MSH6: variants seen among roughly 807,000 people sequenced by gnomAD.
MSH6 encodes the protein mutS homolog 6.
MSH6 carries 85 observed loss-of-function variants against 119.1 expected under a neutral mutation model. That is an observed-to-expected ratio of 0.71 (90% CI 0.60 to 0.85). MSH6 has a LOEUF of 0.85. Ranked by LOEUF, MSH6 falls within the 40% of genes least tolerant of loss-of-function variation. The pLI is 0.00. For synonymous variants in MSH6, 830 were observed against 586.9 expected (o/e 1.41, Z -5.99); for missense variants, 2,163 against 1,655.3 (o/e 1.31, Z -5.32).
chr2:47,793,554 C>T (rs1668883406), intron 2 of MSH6, among the ~76,000 whole-genome samples: 1 of 149,454 alleles, frequency 6.7e-6, no homozygotes. Context: ...TTGCAGTGAG[C>T]CGAGATCGCG....
At chr2:47,804,311 T>G (rs113882573) in intron 5 of MSH6, among the ~76,000 whole-genome samples, 6 of 152,276 alleles carry the variant, frequency 3.9e-5, no homozygotes, top group African/African-American at 1.4e-4. Flanking sequence ...ATTGTATTTA[T>G]CTTCTCTTTA....
At chr2:47,801,663 C>T (rs939208709) in intron 4 of MSH6, among the ~76,000 whole-genome samples, 5 of 151,960 alleles carry the variant, frequency 3.3e-5, no homozygotes, top group Non-Finnish European at 4.4e-5. Flanking sequence ...CCCATTGCGC[C>T]TGGCCCTTTC....
rs1161502314 is a variant in MSH6, at chr2:47,800,830, G to A, written c.2847G>A (p.Gln949=). The A allele has an allele frequency of 6.2e-7, 1 of 1,614,116 alleles. No individual in the cohort carries two copies. The highest frequency in any genetic ancestry group is 1.6e-4 in the Middle Eastern group (1 of 6,062). The change falls in exon 4 of 10, where the codon CAG becomes CAA. Residue 949 remains glutamine, a synonymous_variant. Transcript: ENST00000234420. ...TTGCTGACATAAGAGAAAATGAACA[G>A]AGCCTCCTGGAATACCTAGAGAAAC... ...QALADIRENE[Q]SLLEYLEKQR...
At chr2:47,792,899 C>T (rs1668832993) in intron 2 of MSH6, among the ~76,000 whole-genome samples, 1 of 150,024 alleles carries the variant, frequency 6.7e-6, no homozygotes, top group Non-Finnish European at 1.5e-5. Flanking sequence ...CTATGTTGCC[C>T]CCAGGGTGGT....
rs1572750348 is a variant in MSH6 at position 47,806,843 on chromosome 2, TTGATTAAGGAATTATAGAC to T, written c.4070_*5del. Reference sequence around the variant, plus strand: ...TGAAGCTGTCCATAAATTGCTGACTTTGATTAAGGAATTATAGACTGACTACATTGGAAGCTTTGAGTTG... The same window carrying T: ...TGAAGCTGTCCATAAATTGCTGACTTTGACTACATTGGAAGCTTTGAGTTG... On this transcript the variant is annotated stop_lost and 3_prime_UTR_variant, in exon 10 of 10. Coordinates refer to ENST00000234420, the MANE Select transcript of MSH6 (RefSeq NM_000179.3). 1 of 1,611,880 alleles carries T rather than the reference TTGATTAAGGAATTATAGAC, an allele frequency of 6.2e-7. No homozygotes were observed. The highest frequency in any genetic ancestry group is 8.5e-7 in the Non-Finnish European group (1 of 1,178,834).
intron 2 of MSH6, among the ~76,000 whole-genome samples, chr2:47,795,242 G>A (rs1668998622): frequency 6.6e-6 from 1 of 152,146 alleles, no homozygotes; most frequent in South Asian, 2.1e-4. Flanking sequence ...CTTCAAGGAG[G>A]TAAAATTGGT....
chr2:47,798,497 A>C (rs1669229828), intron 3 of MSH6, 114 bp from the exon 4 acceptor site: 1 of 1,079,510 alleles, frequency 9.3e-7, no homozygotes, highest in African/African-American at 1.6e-5. Context: ...AAAAATGAAA[A>C]ACAGTGGCTG....
chr2:47,801,418 G>A (rs887432240), intron 4 of MSH6: 181 of 354,748 alleles, frequency 5.1e-4, no homozygotes, highest in African/African-American at 4.6e-3. Flanking sequence ...GCCCAGGCTA[G>A]AATATGGTGA....
chr2:47,806,729 G>GCACTATGAAAAAA, intron 9 of MSH6, 50 bp from the exon 10 acceptor site: 1 of 1,539,648 alleles, frequency 6.5e-7, no homozygotes, highest in South Asian at 1.1e-5. Context: ...AAGGGATGAT[G>GCACTATGAAAAAA]CACTATGAAA....
intron 1 of MSH6, among the ~76,000 whole-genome samples, chr2:47,788,296 C>T (rs1239918849): frequency 2.2e-5 from 3 of 138,478 alleles, no homozygotes; most frequent in African/African-American, 8.3e-5. Context: ...GCCCTGTCAC[C>T]CAGGCTGGAG....
At position 47,806,547 on chromosome 2, in the gene MSH6, C is replaced by G. The variant is rs1558393788; in HGVS notation, c.3897C>G (p.Gly1299=). The G allele has an allele frequency of 3.1e-6, 5 of 1,613,788 alleles. No individual in the cohort carries two copies. Among genetic ancestry groups the G allele is most frequent in the Non-Finnish European group, 4.2e-6 (5 of 1,179,878 alleles). ...FIKGACPKSY[G]FNAARLANLP... ...AGGGAGCTTGTCCTAAAAGCTATGG[C>G]TTTAATGCAGCAAGGCTTGCTAATC... is the stretch of plus-strand genomic sequence containing the variant. The change falls in exon 9 of 10, where the codon GGC becomes GGG. Residue 1299 remains glycine, a synonymous_variant. Coordinates refer to ENST00000234420, the MANE Select transcript of MSH6 (RefSeq NM_000179.3).
intron 2 of MSH6, 52 bp downstream of exon 2, chr2:47,791,175 T>TGTGTGA: frequency 1.5e-6 from 2 of 1,369,632 alleles, no homozygotes; most frequent in Non-Finnish European, 2.1e-6. Context: ...TGTGTGTGTG[T>TGTGTGA]GAGAGAAACA....
At chr2:47,801,684 A>C (rs558390014) in intron 4 of MSH6, among the ~76,000 whole-genome samples, 12 of 151,268 alleles carry the variant, frequency 7.9e-5, no homozygotes, top group African/African-American at 2.9e-4. Context: ...TTCAGTCTTT[A>C]ATAATCGAAC....
downstream of MSH6, chr2:47,809,103 T>G (rs1359449396): frequency 8.6e-7 from 1 of 1,165,886 alleles, no homozygotes; most frequent in African/African-American, 1.6e-5. Flanking sequence ...CATTGCTAAT[T>G]TAAAAAGGAA....
In MSH6 at chr2:47,803,688, A is replaced by G. The variant is rs1558387931; in HGVS notation, c.3438+3A>G. ...GCAAGTCTACGCTTATGAGACAGGTAACTGATTCTTAAAGTTTTGTTATCA... is the reference window on the plus strand; with the variant it reads ...GCAAGTCTACGCTTATGAGACAGGTGACTGATTCTTAAAGTTTTGTTATCA... On this transcript the variant is annotated splice_donor_region_variant and intron_variant, in intron 5 of 9. Transcript: ENST00000234420. 1 of 1,614,192 alleles carries G rather than the reference A, an allele frequency of 6.2e-7. No individual in the cohort carries two copies. The highest frequency in any genetic ancestry group is 8.5e-7 in the Non-Finnish European group (1 of 1,180,022).
chr2:47,804,529 A>G (rs1274954037), intron 5 of MSH6, among the ~76,000 whole-genome samples: 1 of 86,408 alleles, frequency 1.2e-5, no homozygotes, highest in Non-Finnish European at 2.2e-5. Context: ...AGAATGTGAC[A>G]ACGTGTAAAA....
chr2:47,798,482 G>A (rs1669229392), intron 3 of MSH6, 129 bp from the exon 4 acceptor site: 21 of 907,438 alleles, frequency 2.3e-5, no homozygotes, highest in South Asian at 1.2e-4. Context: ...ATCGAATACT[G>A]TACTAAAAAT....
chr2:47,807,844 T>C (rs1017296354), downstream of MSH6: 4 of 310,980 alleles, frequency 1.3e-5, no homozygotes, highest in Admixed American at 1.4e-4. Context: ...TTTTCAGAAG[T>C]TGGTATCTGT....
Position 47,800,301 on chromosome 2 carries a change from TCC to T in MSH6, c.2319_2320del (p.Leu774LysfsTer10). 1 of 1,614,124 alleles carries T rather than the reference TCC, an allele frequency of 6.2e-7. No individual in the cohort carries two copies. Among genetic ancestry groups the T allele is most frequent in the African/African-American group, 1.3e-5 (1 of 75,020 alleles). ...TGCCATACTCCTTTTGGTAAGCGGCTCCTAAAGCAATGGCTTTGTGCCCCACT... is the reference window on the plus strand; with the variant it reads ...TGCCATACTCCTTTTGGTAAGCGGCTTAAAGCAATGGCTTTGTGCCCCACT... On this transcript the variant is annotated frameshift_variant, in exon 4 of 10. Coordinates refer to ENST00000234420, the MANE Select transcript of MSH6 (RefSeq NM_000179.3). LOFTEE classifies it high-confidence loss of function.
Sources: gnomAD v4.1 joint callset for allele counts (sites outside exome capture counted in the v4.1 genomes callset) on GRCh38, gnomAD v4.1.1 for gene constraint, MANE v1.5 for transcripts, NCBI Gene and HGNC (gene_info 2026-07-23, HGNC 2026-07-21) for gene names.